PRR16: variants seen among roughly 807,000 people sequenced by gnomAD.
The protein encoded by PRR16 is proline rich 16.
In PRR16, 6 loss-of-function variants were observed where a neutral mutation model predicts 18.2. The observed-to-expected ratio is 0.33, with a 90% confidence interval of 0.18 to 0.65. The LOEUF is 0.65. Ranked by LOEUF, PRR16 falls within the 30% of genes least tolerant of loss-of-function variation. The pLI, the probability that PRR16 is intolerant of heterozygous loss-of-function variation, is 0.74. For missense variants in PRR16, 412 were observed against 376.6 expected, an observed-to-expected ratio of 1.09 and a Z score of -0.78; for synonymous variants, 151 against 147.8, an observed-to-expected ratio of 1.02 and a Z score of -0.16.
chr5:120,656,743 T>C lies in PRR16; in HGVS notation c.160-29211T>C, dbSNP rs1035330841. 3.9e-5 allele frequency among the ~76,000 whole-genome samples: 6 copies of C among 152,000 alleles called. No individual in the cohort carries two copies. In the Admixed American group the frequency reaches 3.9e-4, roughly 10 times the overall value. On this transcript the variant is annotated intron_variant, in intron 1 of 1. Transcript: ENST00000407149. The stretch of plus-strand genomic sequence containing the variant: ...TAATCAGCCAATTATTGACTTAGTA[T>C]CATACATAAGTGATATATTTGTGCT...
At chr5:120,709,564 C>G in the PRR16 span, among the ~76,000 whole-genome samples, 1 of 152,018 alleles carries the variant, frequency 6.6e-6, no homozygotes, top group Non-Finnish European at 1.5e-5. Context: ...TCTTAGTCTA[C>G]CAAACACTAG....
chr5:120,701,487 C>G, the PRR16 span, among the ~76,000 whole-genome samples: 3 of 152,066 alleles, frequency 2.0e-5, no homozygotes, highest in African/African-American at 7.2e-5. Flanking sequence ...CTCCAGCCAC[C>G]TTTTTAAGAG....
At chr5:120,553,277 A>G (rs1752310906) in intron 1 of PRR16, among the ~76,000 whole-genome samples, 1 of 151,858 alleles carries the variant, frequency 6.6e-6, no homozygotes, top group Non-Finnish European at 1.5e-5. Context: ...GATATTAGTG[A>G]GGCATTTTAC....
At chr5:120,776,889 C>A in the PRR16 span, among the ~76,000 whole-genome samples, 1 of 151,952 alleles carries the variant, frequency 6.6e-6, no homozygotes, top group Non-Finnish European at 1.5e-5. Context: ...AAGGTTTATG[C>A]AGTAATAGGG....
the PRR16 span, among the ~76,000 whole-genome samples, chr5:120,738,225 A>T: frequency 6.6e-6 from 1 of 152,130 alleles, no homozygotes; most frequent in Non-Finnish European, 1.5e-5. Context: ...TGCTCCTATC[A>T]GTAATACATC....
At chr5:120,531,085 T>C (rs1451367699) in intron 1 of PRR16, among the ~76,000 whole-genome samples, 1 of 152,222 alleles carries the variant, frequency 6.6e-6, no homozygotes, top group Non-Finnish European at 1.5e-5. Context: ...AGCTTAACTT[T>C]CTCTGTATTC....
intron 1 of PRR16, among the ~76,000 whole-genome samples, chr5:120,509,134 G>T (rs1750741142): frequency 6.6e-6 from 1 of 152,124 alleles, no homozygotes; most frequent in South Asian, 2.1e-4. Context: ...CTGGCAAAAT[G>T]TAGTAGCACA....
At chr5:120,662,494 A>G (rs1756210634) in intron 1 of PRR16, among the ~76,000 whole-genome samples, 1 of 151,940 alleles carries the variant, frequency 6.6e-6, no homozygotes, top group Non-Finnish European at 1.5e-5. Context: ...TAATAAGTGT[A>G]TATCTTATGT....
chr5:120,576,526 G>A (rs1002951005), intron 1 of PRR16, among the ~76,000 whole-genome samples: 4 of 152,186 alleles, frequency 2.6e-5, no homozygotes, highest in African/African-American at 7.2e-5. Flanking sequence ...AGGTGTTGGT[G>A]AGGATGTGGA....
chr5:120,616,506 C>G lies in PRR16; in HGVS notation c.160-69448C>G, dbSNP rs1033219832. 3.3e-5 allele frequency among the ~76,000 whole-genome samples: 5 copies of G among 152,248 alleles called. No homozygotes were observed. In the South Asian group the frequency reaches 1.0e-3, roughly 32 times the overall value. ...GTATGTTTCCCTGAGGTTGGCTCAG[C>G]CCATTCACATTTTGTTCAGCAAGCT... On this transcript the variant is annotated intron_variant, in intron 1 of 1. Coordinates refer to ENST00000407149, the MANE Select transcript of PRR16 (RefSeq NM_001300783.2).
the PRR16 span, among the ~76,000 whole-genome samples, chr5:120,772,881 C>G: frequency 6.6e-6 from 1 of 152,122 alleles, no homozygotes; most frequent in Non-Finnish European, 1.5e-5. Context: ...GAAGATTTTA[C>G]TTTATCTGAA....
chr5:120,633,450 A>G (rs141983831), intron 1 of PRR16, among the ~76,000 whole-genome samples: 228 of 152,300 alleles, frequency 1.5e-3, no homozygotes, highest in African/African-American at 5.2e-3. Context: ...GAACTCGCCA[A>G]CCAAGTTTCT....
At chr5:120,469,827 A>G (rs2112796352) in intron 1 of PRR16, among the ~76,000 whole-genome samples, 1 of 152,316 alleles carries the variant, frequency 6.6e-6, no homozygotes, top group African/African-American at 2.4e-5. Flanking sequence ...AATAATTTTG[A>G]GAACATAGAG....
At chr5:120,678,302 A>G (rs1023953823) in intron 1 of PRR16, among the ~76,000 whole-genome samples, 2 of 152,082 alleles carry the variant, frequency 1.3e-5, no homozygotes, top group Non-Finnish European at 2.9e-5. Context: ...ATCCATTTTT[A>G]TGTGTCTTTC....
intron 1 of PRR16, among the ~76,000 whole-genome samples, chr5:120,674,972 A>G (rs1478693023): frequency 6.6e-5 from 10 of 151,992 alleles, no homozygotes; most frequent in Admixed American, 6.6e-4. Context: ...TTATAACTGC[A>G]GTACATTTTC....
At chr5:120,635,205 C>T (rs7735286) in intron 1 of PRR16, among the ~76,000 whole-genome samples, 64,018 of 151,866 alleles carry the variant, frequency 0.42, 14,404 homozygotes, top group East Asian at 0.86. Context: ...GAATTGGTAC[C>T]AATTTGTTTG....
chr5:120,704,899 T>G, the PRR16 span, among the ~76,000 whole-genome samples: 1 of 152,202 alleles, frequency 6.6e-6, no homozygotes, highest in Non-Finnish European at 1.5e-5. Context: ...TACTTAGAAA[T>G]TTATATTTCA....
chr5:120,701,074 G>T, the PRR16 span, among the ~76,000 whole-genome samples: 1 of 152,196 alleles, frequency 6.6e-6, no homozygotes, highest in South Asian at 2.1e-4. Flanking sequence ...GTGGGAGGAG[G>T]TTCTGGAGGA....
chr5:120,583,108 A>G (rs11241555), intron 1 of PRR16, among the ~76,000 whole-genome samples: 152,158 of 152,348 alleles, frequency 1, 75,985 homozygotes, highest in African/African-American at 1. Context: ...TGTTCCAAGA[A>G]CAACTGTCTC....
Sources: gnomAD v4.1 joint callset for allele counts (sites outside exome capture counted in the v4.1 genomes callset) on GRCh38, gnomAD v4.1.1 for gene constraint, MANE v1.5 for transcripts, NCBI Gene and HGNC (gene_info 2026-07-23, HGNC 2026-07-21) for gene names.